BRD10: variants seen among roughly 807,000 people sequenced by gnomAD.
The protein encoded by BRD10 is uncharacterized bromodomain-containing protein 10.
At chr9:5,928,339 A>C in the BRD10 span, among the ~76,000 whole-genome samples, 1 of 152,118 alleles carries the variant, frequency 6.6e-6, no homozygotes, top group Non-Finnish European at 1.5e-5. Flanking sequence ...TCTTTGTCCT[A>C]TTACATTTAT....
the BRD10 span, chr9:5,914,142 C>G: frequency 2.4e-6 from 1 of 422,214 alleles, no homozygotes; most frequent in Admixed American, 2.7e-5. Flanking sequence ...CAAGTGGTTC[C>G]TGCTGTTCCA....
the BRD10 span, among the ~76,000 whole-genome samples, chr9:5,970,136 G>C: frequency 6.6e-6 from 1 of 151,992 alleles, no homozygotes; most frequent in Non-Finnish European, 1.5e-5. Flanking sequence ...GTTATACTAA[G>C]AAAATAATTC....
chr9:5,983,884 A>G, the BRD10 span, among the ~76,000 whole-genome samples: 1 of 151,836 alleles, frequency 6.6e-6, no homozygotes, highest in Non-Finnish European at 1.5e-5. Flanking sequence ...TTAAAAAACT[A>G]TGCATAGTAA....
chr9:6,008,095 C>T, the BRD10 span: 4 of 984,592 alleles, frequency 4.1e-6, no homozygotes, highest in African/African-American at 3.5e-5. Flanking sequence ...GCACCCCGCC[C>T]GCCTGCTCTT....
At chr9:5,934,602 G>C in the BRD10 span, among the ~76,000 whole-genome samples, 2 of 151,982 alleles carry the variant, frequency 1.3e-5, no homozygotes, top group African/African-American at 4.8e-5. Context: ...CTGACCTCAA[G>C]TGATCCACCT....
At chr9:5,901,992 TG>T in the BRD10 span, among the ~76,000 whole-genome samples, 1 of 147,864 alleles carries the variant, frequency 6.8e-6, no homozygotes, top group East Asian at 2.0e-4. Context: ...TTGCAATATC[TG>T]TCTGGTATTA....
At chr9:5,937,522 A>G in the BRD10 span, among the ~76,000 whole-genome samples, 4 of 152,172 alleles carry the variant, frequency 2.6e-5, no homozygotes, top group South Asian at 8.3e-4. Context: ...GCAAATGAAC[A>G]AGACTCCGTT....
the BRD10 span, among the ~76,000 whole-genome samples, chr9:5,913,142 T>C: frequency 6.6e-6 from 1 of 152,168 alleles, no homozygotes; most frequent in Non-Finnish European, 1.5e-5. Flanking sequence ...CCAAAAGATT[T>C]TCTGCCCAGG....
chr9:5,978,510 A>C, the BRD10 span, among the ~76,000 whole-genome samples: 1 of 152,122 alleles, frequency 6.6e-6, no homozygotes, highest in African/African-American at 2.4e-5. Context: ...ACATAATATT[A>C]TATTTTAGAA....
the BRD10 span, chr9:5,944,852 C>G: frequency 7.5e-7 from 1 of 1,335,346 alleles, no homozygotes; most frequent in Non-Finnish European, 1.0e-6. Flanking sequence ...ATAGATAGAA[C>G]TTTTGGATCA....
At chr9:5,942,133 G>C in the BRD10 span, among the ~76,000 whole-genome samples, 1 of 152,062 alleles carries the variant, frequency 6.6e-6, no homozygotes, top group Admixed American at 6.6e-5. Flanking sequence ...AGTTTTGACA[G>C]TGAAATACTC....
chr9:5,948,748 G>A, the BRD10 span, among the ~76,000 whole-genome samples: 2 of 151,872 alleles, frequency 1.3e-5, no homozygotes, highest in East Asian at 1.9e-4. Flanking sequence ...CAGACAAAAG[G>A]GATCACACAT....
the BRD10 span, among the ~76,000 whole-genome samples, chr9:5,978,151 C>G: frequency 6.6e-6 from 1 of 151,822 alleles, no homozygotes; most frequent in South Asian, 2.1e-4. Flanking sequence ...GATGTTGCTC[C>G]TTACTGGGCT....
chr9:5,945,840 AAT>A, the BRD10 span, among the ~76,000 whole-genome samples: 1 of 152,072 alleles, frequency 6.6e-6, no homozygotes, highest in Non-Finnish European at 1.5e-5. Context: ...ACTACAACCG[AAT>A]AGAGAGGAAA....
chr9:5,996,270 T>C, the BRD10 span, among the ~76,000 whole-genome samples: 1 of 151,690 alleles, frequency 6.6e-6, no homozygotes, highest in Admixed American at 6.6e-5. Flanking sequence ...GTAAATGACA[T>C]AACGCCCCAA....
At chr9:5,967,281 CAT>C in the BRD10 span, among the ~76,000 whole-genome samples, 1 of 151,740 alleles carries the variant, frequency 6.6e-6, no homozygotes, top group Admixed American at 6.6e-5. Context: ...ATAAATGAGA[CAT>C]AAACTGATTT....
chr9:5,970,969 T>C, the BRD10 span, among the ~76,000 whole-genome samples: 17 of 147,014 alleles, frequency 1.2e-4, no homozygotes, highest in African/African-American at 4.3e-4. Flanking sequence ...GGAGAATCGC[T>C]TGAATCTGGG....
the BRD10 span, among the ~76,000 whole-genome samples, chr9:5,901,779 C>A: frequency 1.3e-5 from 2 of 151,674 alleles, no homozygotes; most frequent in African/African-American, 4.8e-5. Flanking sequence ...GCCTCAGCCT[C>A]CCAAAGTGCT....
the BRD10 span, among the ~76,000 whole-genome samples, chr9:5,894,747 C>T: frequency 6.6e-6 from 1 of 152,186 alleles, no homozygotes; most frequent in East Asian, 1.9e-4. The surrounding 1 kb of genome is among the most constrained non-coding windows in gnomAD (Gnocchi z 4.0). Context: ...GCTGCTCCTT[C>T]TTGATGCCCC....
Sources: allele counts gnomAD v4.1 joint callset (sites outside exome capture counted in the v4.1 genomes callset), GRCh38; gene constraint gnomAD v4.1.1; non-coding constraint Gnocchi (gnomAD v3.1); transcripts MANE v1.5; gene names NCBI Gene and HGNC (gene_info 2026-07-23, HGNC 2026-07-21).